The following ANKDD1A variants were observed in gnomAD, a reference collection of about 807,000 sequenced individuals.
ANKDD1A encodes the protein ankyrin repeat and death domain-containing protein 1A.
A neutral mutation model predicts 63.5 loss-of-function variants in ANKDD1A; 59 were observed. The observed-to-expected ratio is 0.93, with a 90% CI of 0.75 to 1.15. ANKDD1A has a LOEUF of 1.15. Among genes scored for constraint, ANKDD1A ranks in the 50% most tolerant of loss-of-function variants. The probability of loss-of-function intolerance (pLI) is 0.00; values close to 1 mark genes in which losing one functional copy is unlikely to be tolerated. For missense variants in ANKDD1A, 632 were observed against 656.4 expected, an observed-to-expected ratio of 0.96 and a Z score of 0.41; for synonymous variants, 266 against 263.9, an observed-to-expected ratio of 1.01 and a Z score of -0.08.
In ANKDD1A at chr15:64,953,854, C is replaced by CTTTTT. The variant is rs1555397924; in HGVS notation, c.1484-3248_1484-3247insTTTTT. On this transcript the variant is annotated intron_variant, in intron 14 of 14. Transcript: ENST00000319580. ...TTCTTTCCTCTTCTTTTCTTCTTTC[C>CTTTTT]TCTTCTTCCTCTTTCTTCTTCATTC... is the stretch of plus-strand genomic sequence containing the variant. 1.3e-3 allele frequency among the ~76,000 whole-genome samples: 117 copies of CTTTTT among 89,584 alleles called. 1 individual carries two copies. The highest frequency in any genetic ancestry group is 6.0e-3 in the Middle Eastern group (1 of 168). 58.8% of individuals were successfully genotyped at this position (89,584 alleles called of 152,430 possible).
At chr15:64,951,086 AT>A (rs897540734) in intron 14 of ANKDD1A, 2 of 1,189,718 alleles carry the variant, frequency 1.7e-6, no homozygotes, top group African/African-American at 3.2e-5. Context: ...GATGACCATC[AT>A]TTAAGGGCTT....
chr15:64,953,663 T>TTCTTCTCCTTCTTCCTTTTCC (rs2085354721), intron 14 of ANKDD1A, among the ~76,000 whole-genome samples: 10 of 135,488 alleles, frequency 7.4e-5, no homozygotes, highest in Non-Finnish European at 9.3e-5. Flanking sequence ...CTTCTTTTCT[T>TTCTTCTCCTTCTTCCTTTTCC]TCTTCTCCTT....
At chr15:64,917,611 A>C in intron 3 of ANKDD1A, 97 bp downstream of exon 3, 3 of 1,480,488 alleles carry the variant, frequency 2.0e-6, no homozygotes, top group Non-Finnish European at 1.8e-6. Flanking sequence ...GCTAATATGC[A>C]GACATTCAGG....
At chr15:64,913,245 A>T (rs1000740784) in intron 1 of ANKDD1A, among the ~76,000 whole-genome samples, 2 of 152,180 alleles carry the variant, frequency 1.3e-5, no homozygotes, top group Non-Finnish European at 2.9e-5. Context: ...TTACAATGGA[A>T]GAAACAGACC....
intron 3 of ANKDD1A, among the ~76,000 whole-genome samples, chr15:64,918,527 T>C (rs2084986475): frequency 6.6e-6 from 1 of 152,142 alleles, no homozygotes; most frequent in Non-Finnish European, 1.5e-5. Flanking sequence ...GGTGAAACAC[T>C]AGAGCCTCTT....
chr15:64,953,164 C>CTTCTTTTTCTTCTTCTT (rs2085332603), intron 14 of ANKDD1A, among the ~76,000 whole-genome samples: 2 of 102,072 alleles, frequency 2.0e-5, no homozygotes, highest in Non-Finnish European at 4.4e-5. Flanking sequence ...TTTCTTCTTT[C>CTTCTTTTTCTTCTTCTT]CTTCTTTTCT....
At chr15:64,938,953 A>G (rs1336617575) in intron 9 of ANKDD1A, among the ~76,000 whole-genome samples, 1 of 151,836 alleles carries the variant, frequency 6.6e-6, no homozygotes, top group Non-Finnish European at 1.5e-5. Context: ...TCAAAAAAAA[A>G]AAAAAGAAAC....
Position 64,934,126 on chromosome 15 carries a change from T to C in ANKDD1A, c.769-10T>C. 6.2e-7 allele frequency: 1 copy of C among 1,603,356 alleles called. No individual in the cohort carries two copies. Among genetic ancestry groups the C allele is most frequent in the Non-Finnish European group, 8.5e-7 (1 of 1,173,088 alleles). ...CTTGTGATAACGCATTGATGCCTGTTTCCTTCTAGAAAAACCTAAGCTGCC... is the reference window on the plus strand; with the variant it reads ...CTTGTGATAACGCATTGATGCCTGTCTCCTTCTAGAAAAACCTAAGCTGCC... On this transcript the variant is annotated splice_polypyrimidine_tract_variant and intron_variant, in intron 8 of 14. Coordinates refer to ENST00000319580, the MANE Select transcript of ANKDD1A (RefSeq NM_182703.6).
intron 9 of ANKDD1A, among the ~76,000 whole-genome samples, chr15:64,939,119 G>T (rs1273299294): frequency 1.3e-5 from 2 of 151,772 alleles, no homozygotes; most frequent in Non-Finnish European, 2.9e-5. Context: ...CAACTTTCAC[G>T]TAAAACTAAA....
intron 14 of ANKDD1A, among the ~76,000 whole-genome samples, chr15:64,953,246 TC>T (rs2085335224): frequency 6.7e-6 from 1 of 149,888 alleles, no homozygotes. Context: ...TCTTCTTTCC[TC>T]CTCTTTCTTC....
At chr15:64,953,877 T>C (rs373201560) in intron 14 of ANKDD1A, among the ~76,000 whole-genome samples, 2 of 136,132 alleles carry the variant, frequency 1.5e-5, no homozygotes, top group African/African-American at 2.8e-5. Flanking sequence ...TTCTTCTTCA[T>C]TCTTTCTTCT....
intron 14 of ANKDD1A, among the ~76,000 whole-genome samples, chr15:64,953,173 CTTCTT>C (rs2085333117): frequency 3.8e-5 from 1 of 26,578 alleles, no homozygotes; most frequent in Admixed American, 5.7e-4. Context: ...TCCTTCTTTT[CTTCTT>C]TTTCTTCTTC....
intron 10 of ANKDD1A, 72 bp downstream of exon 10, chr15:64,942,637 G>T: frequency 8.0e-7 from 1 of 1,257,272 alleles, no homozygotes. Flanking sequence ...AGGCTTGGCT[G>T]TGGTCTCCTA....
In ANKDD1A at chr15:64,930,893, C is replaced by T. The variant is rs374408787; in HGVS notation, c.642C>T (p.Ile214=). The T allele has an allele frequency of 1.5e-5, 24 of 1,612,398 alleles. No individual in the cohort carries two copies. The highest frequency in any genetic ancestry group is 2.2e-5 in the South Asian group (2 of 90,926). ...CTGTGCTGCAGCGACTTGTGGACATCGGGCTGGACCTGGAGGAGCAGAATG... is the reference window on the plus strand; with the variant it reads ...CTGTGCTGCAGCGACTTGTGGACATTGGGCTGGACCTGGAGGAGCAGAATG... ...HMAVLQRLVD[I]GLDLEEQNAE... The change falls in exon 7 of 15, where the codon ATC becomes ATT. Residue 214 remains isoleucine, a synonymous_variant. Coordinates refer to ENST00000319580, the MANE Select transcript of ANKDD1A (RefSeq NM_182703.6).
At chr15:64,951,179 T>G (rs1217570596) in intron 14 of ANKDD1A, 75 of 1,055,586 alleles carry the variant, frequency 7.1e-5, no homozygotes, top group Non-Finnish European at 8.1e-5. Context: ...CAAATGTTTG[T>G]ACACTGATCT....
chr15:64,921,932 T>C lies in ANKDD1A; in HGVS notation c.279T>C (p.Asn93=), dbSNP rs2140367015. Residue 93 remains asparagine, a synonymous_variant, in exon 4 of 15, where the codon AAT becomes AAC. Transcript: ENST00000319580. The part of the protein sequence containing the change: ...LTEARLCFGM[N]ALLLSAWFGH... ...GTCCTCTCCCCTAGTTTGGGATGAA[T>C]GCGCTTCTCCTGTCTGCCTGGTTCG... is the stretch of plus-strand genomic sequence containing the variant. 1 of 1,614,132 alleles carries C rather than the reference T, an allele frequency of 6.2e-7. No homozygotes were observed. The highest frequency in any genetic ancestry group is 1.1e-5 in the South Asian group (1 of 91,074).
chr15:64,940,394 T>TA lies in ANKDD1A; in HGVS notation c.868-2073_868-2072insA, dbSNP rs2085171363. On this transcript the variant is annotated intron_variant, in intron 9 of 14. Transcript: ENST00000319580. ...CCATCCATGGTGGGGATAGGATGAT[T>TA]GATAGATAGATAGATAGATAGATAG... Among the ~76,000 whole-genome samples, 225 of 93,056 alleles carry TA rather than the reference T, an allele frequency of 2.4e-3. 4 individuals carry two copies. Among genetic ancestry groups the TA allele is most frequent in the African/African-American group, 6.3e-3 (175 of 27,810 alleles). 61.0% of individuals were successfully genotyped at this position (93,056 alleles called of 152,430 possible). A position where few individuals can be genotyped will look rare whatever the true frequency, so the allele number is the denominator to read the frequency against.
Position 64,947,533 on chromosome 15 carries a change from C to T in ANKDD1A, c.1291C>T (p.Leu431=), listed in dbSNP as rs749482637. 1 of 1,614,152 alleles carries T rather than the reference C, an allele frequency of 6.2e-7. No homozygotes were observed. The highest frequency in any genetic ancestry group is 1.1e-5 in the South Asian group (1 of 91,072). The part of the protein sequence containing the change: ...RYLQPREWKK[L]AYSWEFTEAH... ...TCTGCAGCCCCGTGAGTGGAAGAAGCTGGCATATTCCTGGGAGTTCACGGA... is the reference window on the plus strand; with the variant it reads ...TCTGCAGCCCCGTGAGTGGAAGAAGTTGGCATATTCCTGGGAGTTCACGGA... Residue 431 remains leucine, a synonymous_variant, in exon 13 of 15, where the codon CTG becomes TTG. Transcript: ENST00000319580.
chr15:64,943,276 CAA>C (rs760296792), intron 10 of ANKDD1A: 29 of 554,070 alleles, frequency 5.2e-5, no homozygotes, highest in Non-Finnish European at 9.0e-5. Flanking sequence ...TTATAGTACA[CAA>C]AAAGTGTCAT....
Sources: allele counts gnomAD v4.1 joint callset (sites outside exome capture counted in the v4.1 genomes callset), GRCh38; gene constraint gnomAD v4.1.1; transcripts MANE v1.5; gene names NCBI Gene and HGNC (gene_info 2026-07-23, HGNC 2026-07-21).